Variants in PCDH9 observed in about 807,000 individuals in gnomAD.
PCDH9 encodes the protein protocadherin 9, also known as protocadherin-9.
A neutral mutation model predicts 70.6 loss-of-function variants in PCDH9; 24 were observed. That is an observed-to-expected ratio of 0.34 (90% CI 0.25 to 0.48). The LOEUF is 0.48. PCDH9 is among the 20% of genes least tolerant of loss of function. PCDH9 has a pLI of 0.99. For synonymous variants in PCDH9, 562 were observed against 558.5 expected, an observed-to-expected ratio of 1.01 and a Z score of -0.09; for missense variants, 1,281 against 1,503.6, an observed-to-expected ratio of 0.85 and a Z score of 2.45.
At chr13:66,622,688 G>A (rs894868739) in intron 4 of PCDH9, among the ~76,000 whole-genome samples, 5 of 152,110 alleles carry the variant, frequency 3.3e-5, no homozygotes, top group Admixed American at 1.3e-4. Flanking sequence ...ACCAATCAGC[G>A]CCCTGTCAAA....
intron 3 of PCDH9, among the ~76,000 whole-genome samples, chr13:66,765,561 C>T (rs1446345074): frequency 6.6e-6 from 1 of 151,868 alleles, no homozygotes; most frequent in African/African-American, 2.4e-5. Flanking sequence ...ATGTGATGTT[C>T]TTCATGGTTA....
At chr13:66,574,372 A>G (rs1420406385) in intron 4 of PCDH9, among the ~76,000 whole-genome samples, 1 of 152,102 alleles carries the variant, frequency 6.6e-6, no homozygotes, top group African/African-American at 2.4e-5. Flanking sequence ...CATCTTCCTC[A>G]TGCAAGTGAT....
intron 4 of PCDH9, among the ~76,000 whole-genome samples, chr13:66,322,705 C>T (rs1387220887): frequency 1.3e-5 from 2 of 151,964 alleles, no homozygotes; most frequent in African/African-American, 2.4e-5. Context: ...AAATTATATA[C>T]TCTAAGAATC....
chr13:66,382,903 A>G (rs903130158), intron 4 of PCDH9, among the ~76,000 whole-genome samples: 3 of 152,126 alleles, frequency 2.0e-5, no homozygotes, highest in African/African-American at 7.2e-5. Context: ...GTGGTGGCGC[A>G]TGTCTGTAAT....
chr13:66,755,607 T>G (rs2079527756), intron 3 of PCDH9, among the ~76,000 whole-genome samples: 4 of 151,878 alleles, frequency 2.6e-5, no homozygotes. Context: ...CAAAAAGGTG[T>G]GGGGTGGGGG....
rs2088864285 is a variant in PCDH9, at chr13:67,189,920, A to G, written c.3036+35485T>C. 3.3e-5 allele frequency among the ~76,000 whole-genome samples: 5 copies of G among 152,034 alleles called. No individual in the cohort carries two copies. The South Asian group carries it at 1.0e-3, about 31-fold the overall frequency. On this transcript the variant is annotated intron_variant, in intron 2 of 4. Coordinates refer to ENST00000377865, the MANE Select transcript of PCDH9 (RefSeq NM_203487.3). ...TTTACTTATATAAATACAAGTAGTG[A>G]ATGCAGTTTTTAAACAAAATAAAAC...
chr13:66,879,539 C>T (rs2081885100), intron 3 of PCDH9, among the ~76,000 whole-genome samples: 1 of 152,086 alleles, frequency 6.6e-6, no homozygotes, highest in African/African-American at 2.4e-5. Flanking sequence ...TTACAGATGA[C>T]ATGATAGCTT....
At chr13:66,839,945 A>T (rs1392756258) in intron 3 of PCDH9, among the ~76,000 whole-genome samples, 1 of 152,172 alleles carries the variant, frequency 6.6e-6, no homozygotes, top group Non-Finnish European at 1.5e-5. Flanking sequence ...TTCTTCTTTC[A>T]TATTTTGCCT....
At chr13:67,018,122 T>G (rs372024368) in intron 2 of PCDH9, among the ~76,000 whole-genome samples, 41 of 152,296 alleles carry the variant, frequency 2.7e-4, no homozygotes, top group African/African-American at 8.9e-4. Context: ...TATCTTGTAA[T>G]AGCTAAAATG....
chr13:66,960,716 T>C (rs957081097), intron 2 of PCDH9, among the ~76,000 whole-genome samples: 3 of 152,212 alleles, frequency 2.0e-5, no homozygotes, highest in Admixed American at 6.5e-5. Flanking sequence ...TAGCAATTCA[T>C]TACAGTCTCA....
At chr13:66,378,736 T>C (rs1172212267) in intron 4 of PCDH9, among the ~76,000 whole-genome samples, 1 of 152,232 alleles carries the variant, frequency 6.6e-6, no homozygotes, top group Non-Finnish European at 1.5e-5. Context: ...GAACTTATTA[T>C]AACTACCTAT....
At chr13:66,338,985 T>C (rs764438575) in intron 4 of PCDH9, among the ~76,000 whole-genome samples, 3 of 152,058 alleles carry the variant, frequency 2.0e-5, no homozygotes, top group Non-Finnish European at 4.4e-5. Context: ...ATTGAAACAG[T>C]GGCAGATTCT....
chr13:66,599,931 T>G (rs2077146135), intron 4 of PCDH9, among the ~76,000 whole-genome samples: 1 of 151,834 alleles, frequency 6.6e-6, no homozygotes, highest in Non-Finnish European at 1.5e-5. Context: ...TGGGTCTCAT[T>G]TTAAATGTTT....
intron 3 of PCDH9, among the ~76,000 whole-genome samples, chr13:66,836,792 TA>T (rs1274140121): frequency 2.0e-5 from 3 of 152,196 alleles, no homozygotes; most frequent in Admixed American, 2.0e-4. Flanking sequence ...TGGGTAAAAG[TA>T]AAATCCTCGG....
At chr13:67,015,307 G>A (rs151169295) in intron 2 of PCDH9, among the ~76,000 whole-genome samples, 2 of 152,172 alleles carry the variant, frequency 1.3e-5, no homozygotes, top group African/African-American at 2.4e-5. Context: ...ATATGTGGGC[G>A]AATGTGAAAA....
chr13:66,464,652 G>A (rs150708875), intron 4 of PCDH9, among the ~76,000 whole-genome samples: 4 of 152,062 alleles, frequency 2.6e-5, no homozygotes, highest in African/African-American at 9.6e-5. Flanking sequence ...CAAAGGCTTG[G>A]CCATGCTTAA....
intron 3 of PCDH9, among the ~76,000 whole-genome samples, chr13:66,781,449 C>T (rs2079996812): frequency 6.6e-6 from 1 of 152,160 alleles, no homozygotes; most frequent in African/African-American, 2.4e-5. Flanking sequence ...GGTGTTAAAA[C>T]AGTTACTGAT....
At chr13:66,481,537 C>T (rs1958836653) in intron 4 of PCDH9, among the ~76,000 whole-genome samples, 1 of 152,104 alleles carries the variant, frequency 6.6e-6, no homozygotes. Flanking sequence ...GTAGTGTAAA[C>T]ATAACTTTTA....
chr13:66,749,344 A>G (rs1318816700), intron 3 of PCDH9, among the ~76,000 whole-genome samples: 1 of 152,112 alleles, frequency 6.6e-6, no homozygotes, highest in Non-Finnish European at 1.5e-5. Flanking sequence ...ATCCATCTGC[A>G]CCCTCTTGCA....
Sources: allele counts gnomAD v4.1 joint callset (sites outside exome capture counted in the v4.1 genomes callset), GRCh38; gene constraint gnomAD v4.1.1; transcripts MANE v1.5; gene names NCBI Gene and HGNC (gene_info 2026-07-23, HGNC 2026-07-21).